ZMIZ1: variants seen among roughly 807,000 people sequenced by gnomAD.
ZMIZ1 encodes zinc finger MIZ domain-containing protein 1.
In ZMIZ1, 17 loss-of-function variants were observed where a neutral mutation model predicts 113.9. That is an observed-to-expected ratio of 0.15 (90% confidence interval 0.10 to 0.22). ZMIZ1 has a LOEUF of 0.22. Among genes scored for constraint, ZMIZ1 ranks in the 10% least tolerant of loss-of-function variants. ZMIZ1 has a pLI of 1.00. For synonymous variants in ZMIZ1, 607 were observed against 603.1 expected, an observed-to-expected ratio of 1.01 and a Z score of -0.09; for missense variants, 1,059 against 1,477.8, an observed-to-expected ratio of 0.72 and a Z score of 4.65.
At chr10:79,242,483 C>T (rs575182196) in intron 7 of ZMIZ1, among the ~76,000 whole-genome samples, 20 of 152,312 alleles carry the variant, frequency 1.3e-4, no homozygotes, top group African/African-American at 4.6e-4. Context: ...CTTCTCCACC[C>T]CGTAGCCCGT....
intron 7 of ZMIZ1, among the ~76,000 whole-genome samples, chr10:79,228,160 A>T (rs1225958305): frequency 2.6e-5 from 4 of 152,248 alleles, no homozygotes; most frequent in Admixed American, 6.5e-5. Context: ...TTAAAGTACC[A>T]TTTATTGAGC....
At chr10:79,166,543 G>C (rs916063789) in intron 4 of ZMIZ1, among the ~76,000 whole-genome samples, 1 of 152,222 alleles carries the variant, frequency 6.6e-6, no homozygotes, top group Non-Finnish European at 1.5e-5. Flanking sequence ...GCCCTGTACC[G>C]TCCTGGGCAT....
intron 7 of ZMIZ1, among the ~76,000 whole-genome samples, chr10:79,261,156 A>G (rs1851239459): frequency 6.6e-6 from 1 of 152,186 alleles, no homozygotes; most frequent in South Asian, 2.1e-4. Context: ...GCTGAGCGTC[A>G]TGAAAGACCC....
In ZMIZ1 at chr10:79,210,044, C is replaced by T. The variant is rs141522797; in HGVS notation, c.174+1595C>T. On this transcript the variant is annotated intron_variant, in intron 6 of 24. Transcript: ENST00000334512. ...CTCATCCTTCAGCCCATGGGATCCC[C>T]TTCTCCCTCCGCCCCCCCAGCCCCC... is the stretch of plus-strand genomic sequence containing the variant. 5.9e-3 allele frequency among the ~76,000 whole-genome samples: 900 copies of T among 152,354 alleles called. 6 individuals are homozygous for T. The highest frequency in any genetic ancestry group is 9.8e-3 in the Non-Finnish European group (667 of 68,026).
intron 1 of ZMIZ1, among the ~76,000 whole-genome samples, chr10:79,114,576 G>A (rs772209428): frequency 2.7e-5 from 4 of 150,658 alleles, no homozygotes; most frequent in Non-Finnish European, 4.4e-5. Context: ...GGGAAGGGGC[G>A]GGTAAAAGCC....
rs1490727813 is a variant in ZMIZ1, at chr10:79,081,767, GCCT to G, written c.-337+12504_-337+12506del. 2.0e-5 allele frequency among the ~76,000 whole-genome samples: 3 copies of G among 152,256 alleles called. No individual in the cohort carries two copies. In the East Asian group the frequency reaches 5.8e-4, roughly 29 times the overall value. On this transcript the variant is annotated intron_variant, in intron 1 of 24. Coordinates refer to ENST00000334512, the MANE Select transcript of ZMIZ1 (RefSeq NM_020338.4). ...GCTGGATTTAGAGACAGAACTTCTG[GCCT>G]CCTCCTGCCAGCATCGCTGGGGGCT...
intron 1 of ZMIZ1, among the ~76,000 whole-genome samples, chr10:79,088,381 C>T (rs1279194177): frequency 3.9e-5 from 6 of 152,222 alleles, no homozygotes; most frequent in Non-Finnish European, 8.8e-5. Flanking sequence ...TGCCTGTGCA[C>T]CAGGCGAGTC....
chr10:79,172,937 A>C (rs552721968), intron 4 of ZMIZ1, among the ~76,000 whole-genome samples: 1 of 152,324 alleles, frequency 6.6e-6, no homozygotes, highest in Non-Finnish European at 1.5e-5. Context: ...GTTTGATAAT[A>C]CAGGTGTTTA....
intron 3 of ZMIZ1, 53 bp downstream of exon 3, chr10:79,139,830 G>T (rs1845183570): frequency 2.5e-6 from 1 of 398,544 alleles, no homozygotes; most frequent in African/African-American, 2.1e-5. Context: ...CCTAAGCCTG[G>T]GCAGGGGCAA....
intron 7 of ZMIZ1, among the ~76,000 whole-genome samples, chr10:79,269,456 A>AACACACACAGACACACACAC (rs1851805011): frequency 2.2e-5 from 3 of 138,472 alleles, no homozygotes; most frequent in African/African-American, 8.0e-5. Context: ...ACCTCCCCCC[A>AACACACACAGACACACACAC]ACACACACAC....
At chr10:79,186,810 C>T (rs1213120202) in intron 4 of ZMIZ1, among the ~76,000 whole-genome samples, 1 of 152,222 alleles carries the variant, frequency 6.6e-6, no homozygotes, top group African/African-American at 2.4e-5. Context: ...AGAAGGACCC[C>T]GTGCCACCCG....
chr10:79,081,364 A>G (rs1368017683), intron 1 of ZMIZ1, among the ~76,000 whole-genome samples: 11 of 152,164 alleles, frequency 7.2e-5, no homozygotes. Context: ...GGCAGCTTGG[A>G]GACCTGAGAC....
intron 4 of ZMIZ1, among the ~76,000 whole-genome samples, chr10:79,177,194 G>C (rs1181661629): frequency 6.6e-6 from 1 of 152,222 alleles, no homozygotes; most frequent in Non-Finnish European, 1.5e-5. Flanking sequence ...GTGTGGCCTT[G>C]GAAAGCTGGC....
intron 8 of ZMIZ1, among the ~76,000 whole-genome samples, chr10:79,289,349 G>A (rs1031701084): frequency 5.3e-5 from 8 of 152,188 alleles, no homozygotes; most frequent in African/African-American, 1.9e-4. Flanking sequence ...GACCCTTCCA[G>A]CCTGTACTGA....
intron 7 of ZMIZ1, among the ~76,000 whole-genome samples, chr10:79,268,586 C>A (rs535688711): frequency 1.3e-5 from 2 of 152,338 alleles, no homozygotes; most frequent in East Asian, 3.9e-4. Flanking sequence ...GTGCTAAACG[C>A]CGTGCTGGGT....
chr10:79,302,352 GCC>G (rs1854362980), intron 18 of ZMIZ1, 140 bp downstream of exon 18: 1 of 807,654 alleles, frequency 1.2e-6, no homozygotes, highest in Non-Finnish European at 2.0e-6. Context: ...CCCTGAGCGC[GCC>G]CTGTCCTGAG....
chr10:79,156,349 C>G (rs1845902602), intron 3 of ZMIZ1, among the ~76,000 whole-genome samples: 1 of 152,168 alleles, frequency 6.6e-6, no homozygotes, highest in African/African-American at 2.4e-5. Flanking sequence ...GGCATGTCCT[C>G]TGGCCACAGG....
At chr10:79,073,998 G>T (rs961929672) in intron 1 of ZMIZ1, among the ~76,000 whole-genome samples, 1 of 152,144 alleles carries the variant, frequency 6.6e-6, no homozygotes, top group Non-Finnish European at 1.5e-5. Context: ...ATAATTAACC[G>T]CTACCAGCTG....
intron 1 of ZMIZ1, among the ~76,000 whole-genome samples, chr10:79,083,397 G>T (rs1842720868): frequency 6.6e-6 from 1 of 152,190 alleles, no homozygotes; most frequent in African/African-American, 2.4e-5. Flanking sequence ...AGGGAGGCCA[G>T]TGTGGCTAGA....
Sources: allele counts gnomAD v4.1 joint callset (sites outside exome capture counted in the v4.1 genomes callset), GRCh38; gene constraint gnomAD v4.1.1; transcripts MANE v1.5; gene names NCBI Gene and HGNC (gene_info 2026-07-23, HGNC 2026-07-21).